RMDN2: variants seen among roughly 807,000 people sequenced by gnomAD.
RMDN2 encodes regulator of microtubule dynamics protein 2.
In RMDN2, 61 loss-of-function variants were observed where a neutral mutation model predicts 52.8. The ratio of observed to expected loss-of-function variants is 1.16; its 90% CI spans 0.94 to 1.43. The LOEUF (loss-of-function observed/expected upper bound fraction) is 1.43, where lower values mean the gene tolerates loss of function less well. RMDN2 is among the 40% of genes most tolerant of loss of function. The pLI is 0.00. For missense variants in RMDN2, 592 were observed against 475.3 expected, an observed-to-expected ratio of 1.25 and a Z score of -2.28; for synonymous variants, 180 against 153.1, an observed-to-expected ratio of 1.18 and a Z score of -1.30.
intron 10 of RMDN2, chr2:38,012,560 A>G (rs1383656633): frequency 2.1e-6 from 1 of 465,290 alleles, no homozygotes; most frequent in Non-Finnish European, 4.4e-6. Flanking sequence ...AATAAGCAAA[A>G]TAGTATGAGC....
At chr2:38,021,618 G>T (rs1026630033), downstream of RMDN2, among the ~76,000 whole-genome samples, 1 of 152,112 alleles carries the variant, frequency 6.6e-6, no homozygotes, top group African/African-American at 2.4e-5. Context: ...CACTCACCGC[G>T]AGGGTCCACG....
intron 10 of RMDN2, among the ~76,000 whole-genome samples, chr2:38,007,645 TC>T (rs1677307404): frequency 6.6e-6 from 1 of 152,234 alleles, no homozygotes; most frequent in African/African-American, 2.4e-5. Flanking sequence ...GTTGATCTTT[TC>T]AAAAAATCAG....
chr2:38,047,765 C>T (rs11124631), intron 10 of RMDN2, among the ~76,000 whole-genome samples: 93,275 of 152,134 alleles, frequency 0.61, 29,727 homozygotes, highest in East Asian at 0.91. Context: ...GGTTAACTGT[C>T]TGCATCTCAT....
intron 7 of RMDN2, among the ~76,000 whole-genome samples, chr2:37,994,310 G>A (rs913764985): frequency 1.4e-4 from 21 of 152,174 alleles, no homozygotes; most frequent in African/African-American, 5.1e-4. Flanking sequence ...GCAAAATTCA[G>A]TGCTGCTTTC....
intron 4 of RMDN2, among the ~76,000 whole-genome samples, chr2:37,978,104 C>T (rs1473031303): frequency 2.0e-5 from 3 of 152,176 alleles, no homozygotes; most frequent in South Asian, 2.1e-4. Context: ...AGATCACTCG[C>T]GATCAGGAGC....
At position 37,981,341 on chromosome 2, in the gene RMDN2, G is replaced by C; in HGVS notation, c.789G>C (p.Leu263=). 1 of 1,596,862 alleles carries C rather than the reference G, an allele frequency of 6.3e-7. No homozygotes were observed. The highest frequency in any genetic ancestry group is 1.3e-5 in the African/African-American group (1 of 74,692). ...CACCCATGAATGGACATTGTCATCTGTGGTAAGTGTATAGGATTTATGCAG... is the reference window on the plus strand; with the variant it reads ...CACCCATGAATGGACATTGTCATCTCTGGTAAGTGTATAGGATTTATGCAG... ...NRAPMNGHCH[L]WYAVLCGYVS... is the part of the protein sequence containing the mutation. Residue 263 remains leucine, a splice_region_variant and synonymous_variant, in exon 5 of 11, where the codon CTG becomes CTC. Coordinates refer to ENST00000354545, the MANE Select transcript of RMDN2 (RefSeq NM_001170791.3).
At chr2:37,996,670 A>C (rs1400114414) in intron 7 of RMDN2, among the ~76,000 whole-genome samples, 2 of 151,706 alleles carry the variant, frequency 1.3e-5, no homozygotes, top group East Asian at 3.9e-4. Flanking sequence ...AAGGAAGATA[A>C]TTTATGGGGT....
At chr2:38,032,053 A>G (rs1295771779) in intron 10 of RMDN2, among the ~76,000 whole-genome samples, 1 of 152,236 alleles carries the variant, frequency 6.6e-6, no homozygotes, top group East Asian at 1.9e-4. Context: ...CCTAAAACCC[A>G]TTCATAGAAA....
At chr2:37,998,413 C>T (rs1675862453) in intron 8 of RMDN2, 2 of 152,152 alleles carry the variant, frequency 1.3e-5, no homozygotes, top group South Asian at 4.1e-4. Context: ...ACAGTCCCAG[C>T]TACTCAGGAG....
At chr2:38,006,209 C>T (rs1677063714) in intron 10 of RMDN2, among the ~76,000 whole-genome samples, 1 of 152,068 alleles carries the variant, frequency 6.6e-6, no homozygotes, top group Admixed American at 6.6e-5. Flanking sequence ...TCCATATGAA[C>T]TTTAAGGTAG....
intron 10 of RMDN2, among the ~76,000 whole-genome samples, chr2:38,049,305 G>A (rs1166172797): frequency 1.3e-5 from 2 of 152,190 alleles, no homozygotes; most frequent in African/African-American, 2.4e-5. Context: ...ATCAGTCAGA[G>A]AAGCAGCATG....
intron 10 of RMDN2, among the ~76,000 whole-genome samples, chr2:38,049,073 T>C (rs544580974): frequency 6.6e-6 from 1 of 152,322 alleles, no homozygotes; most frequent in African/African-American, 2.4e-5. Flanking sequence ...TTCTAGTCTG[T>C]AGAATATGGA....
Position 37,964,063 on chromosome 2 carries a change from C to T in RMDN2, c.453-9977C>T, listed in dbSNP as rs369841846. Among the ~76,000 whole-genome samples, 147 of 151,446 alleles carry T rather than the reference C, an allele frequency of 9.7e-4. 2 individuals carry two copies. The East Asian group carries it at 0.023, about 23-fold the overall frequency. ...CCCCCCACCTCCCTCCCGGACGTGG[C>T]GGCTGCCGGGCGGAGGCGCTCCTCA... On this transcript the variant is annotated intron_variant, in intron 2 of 10. Transcript: ENST00000354545.
intron 10 of RMDN2, among the ~76,000 whole-genome samples, chr2:38,049,769 T>A (rs1243653652): frequency 1.3e-5 from 2 of 152,090 alleles, no homozygotes; most frequent in Non-Finnish European, 2.9e-5. Context: ...GGGGTCTTGG[T>A]ATGTTGCCAG....
chr2:37,987,417 C>T (rs564356023), intron 5 of RMDN2, among the ~76,000 whole-genome samples: 17 of 152,040 alleles, frequency 1.1e-4, no homozygotes, highest in Non-Finnish European at 2.4e-4. Flanking sequence ...ATACATATTA[C>T]TAAGTAAAAG....
At chr2:37,963,317 C>CTTTTTTTTTT (rs60052181) in intron 2 of RMDN2, 5 of 115,542 alleles carry the variant, frequency 4.3e-5, no homozygotes, top group Non-Finnish European at 6.9e-5. Context: ...ACGTGAGTTT[C>CTTTTTTTTTT]TTTTTTTTTT....
At chr2:37,959,520 G>C (rs1669919181) in intron 2 of RMDN2, among the ~76,000 whole-genome samples, 1 of 150,750 alleles carries the variant, frequency 6.6e-6, no homozygotes, top group Non-Finnish European at 1.5e-5. Context: ...ATTTTTTATT[G>C]TGTCTATTTG....
At chr2:38,012,561 T>C (rs1390523388) in intron 10 of RMDN2, 2 of 465,298 alleles carry the variant, frequency 4.3e-6, no homozygotes, top group Non-Finnish European at 8.9e-6. Flanking sequence ...ATAAGCAAAA[T>C]AGTATGAGCA....
chr2:38,055,789 A>G (rs1456267094), intron 10 of RMDN2, among the ~76,000 whole-genome samples: 1 of 152,184 alleles, frequency 6.6e-6, no homozygotes, highest in Non-Finnish European at 1.5e-5. Flanking sequence ...ATCAGCTGGA[A>G]TAGATTGCAT....
Sources: allele counts gnomAD v4.1 joint callset (sites outside exome capture counted in the v4.1 genomes callset), GRCh38; gene constraint gnomAD v4.1.1; transcripts MANE v1.5; gene names NCBI Gene and HGNC (gene_info 2026-07-23, HGNC 2026-07-21).